Variants in PCSK4 observed in about 807,000 individuals in gnomAD.
PCSK4 encodes the protein testicular tissue protein Li 135.
A neutral mutation model predicts 80.3 loss-of-function variants in PCSK4; 64 were observed. The observed-to-expected ratio is 0.80, with a 90% CI of 0.65 to 0.98. PCSK4 has a LOEUF of 0.98. PCSK4 is among the 50% of genes least tolerant of loss of function. PCSK4 has a pLI of 0.00. For synonymous variants in PCSK4, 561 were observed against 487.6 expected (o/e 1.15, Z -1.98); for missense variants, 1,213 against 1,093.6 (o/e 1.11, Z -1.54).
At chr19:1,489,856 G>A (rs1259063606) in exon 2 of PCSK4, 2 of 1,610,554 alleles carry the variant, frequency 1.2e-6, no homozygotes, top group Non-Finnish European at 1.7e-6. Context: ...GCTGGACCAC[G>A]CCCCGGTGCC....
exon 14 of PCSK4, chr19:1,482,367 T>C (rs1206112340): frequency 6.5e-7 from 1 of 1,542,344 alleles, no homozygotes; most frequent in African/African-American, 1.4e-5. Context: ...GCACAGCCCC[T>C]CTGTGTCCCG....
rs749793751 is a variant in PCSK4, at chr19:1,488,289, C to T, written c.295-9G>A. 6 of 1,609,852 alleles carry T rather than the reference C, an allele frequency of 3.7e-6. No homozygotes were observed. The highest frequency in any genetic ancestry group is 4.2e-6 in the Non-Finnish European group (5 of 1,177,902). On this transcript the variant is annotated splice_polypyrimidine_tract_variant and intron_variant, in intron 2 of 14. Transcript: ENST00000300954. ...TGCTGGAACCACTGCACCTGCAGAGCAGAGGGTGCATCAGGCCTGTCCCCT... is the reference window on the plus strand; with the variant it reads ...TGCTGGAACCACTGCACCTGCAGAGTAGAGGGTGCATCAGGCCTGTCCCCT...
chr19:1,488,734 C>T (rs1439352158), intron 2 of PCSK4, among the ~76,000 whole-genome samples: 1 of 152,150 alleles, frequency 6.6e-6, no homozygotes, highest in Non-Finnish European at 1.5e-5. Flanking sequence ...GCGCACACCA[C>T]CATGCCCGGC....
At chr19:1,486,783 G>T in intron 8 of PCSK4, 70 bp downstream of exon 8, 2 of 1,299,204 alleles carry the variant, frequency 1.5e-6, no homozygotes, top group Non-Finnish European at 2.2e-6. Flanking sequence ...CACAGTGGTG[G>T]GGACAGGAGG....
chr19:1,488,641 C>T (rs1045132801), intron 2 of PCSK4, among the ~76,000 whole-genome samples: 3 of 151,706 alleles, frequency 2.0e-5, no homozygotes, highest in South Asian at 2.1e-4. Context: ...GGTGCAGTGG[C>T]GCAATCTTGG....
rs770484887 is a variant in PCSK4 at position 1,487,140 on chromosome 19, C to T, written c.855+1G>A. On this transcript the variant is annotated splice_donor_variant, in intron 7 of 14. Transcript: ENST00000300954. LOFTEE classifies it high-confidence loss of function. Reference sequence around the variant, plus strand: ...CCTGCCCTCCTCGGGCTGCCACTCACCTTGGTCACACCACGCCGGAAGGCC... The same window carrying T: ...CCTGCCCTCCTCGGGCTGCCACTCATCTTGGTCACACCACGCCGGAAGGCC... 1.1e-5 allele frequency: 18 copies of T among 1,604,522 alleles called. No individual in the cohort carries two copies. Among genetic ancestry groups the T allele is most frequent in the Non-Finnish European group, 1.5e-5 (18 of 1,177,786 alleles).
chr19:1,487,231 G>A (rs758095408), exon 7 of PCSK4: 4 of 1,606,990 alleles, frequency 2.5e-6, no homozygotes, highest in Non-Finnish European at 3.4e-6. Context: ...AGCTGGCGCT[G>A]TAAATGTGGA....
Position 1,483,329 on chromosome 19 carries a change from G to T in PCSK4, c.1526C>A (p.Ser509Ter), listed in dbSNP as rs765399954. The change falls in exon 12 of 15, where the codon TCG (serine) becomes TAG (stop). Residue 509 changes from serine (S) to a stop codon, truncating the protein, a stop_gained. Coordinates refer to ENST00000300954, the Ensembl canonical transcript of PCSK4. LOFTEE classifies it high-confidence loss of function. Reference sequence around the variant, plus strand: ...GCGCGTGCCCATGGGGCTGGTGAGCGAGATCTCCAGGTCTCCGCGCCGGCT... The same window carrying T: ...GCGCGTGCCCATGGGGCTGGTGAGCTAGATCTCCAGGTCTCCGCGCCGGCT... 6 of 1,609,424 alleles carry T rather than the reference G, an allele frequency of 3.7e-6. No homozygotes were observed. Among genetic ancestry groups the T allele is most frequent in the Admixed American group, 1.7e-5 (1 of 59,846 alleles).
rs1318588885 is a variant in PCSK4 at position 1,482,362 on chromosome 19, G to GCC, written c.1808_1809dup (p.Leu604GlyfsTer32). 11 of 1,542,428 alleles carry GCC rather than the reference G, an allele frequency of 7.1e-6. No individual in the cohort carries two copies. Among genetic ancestry groups the GCC allele is most frequent in the Admixed American group, 2.0e-5 (1 of 51,150 alleles). ...CCCCGCCGGCACTCACCCTGGCACA[G>GCC]CCCCTCTGTGTCCCGCTGCACACAC... On this transcript the variant is annotated frameshift_variant, in exon 14 of 15. Transcript: ENST00000300954. LOFTEE classifies it low-confidence loss of function (END_TRUNC).
At position 1,481,587 on chromosome 19, in the gene PCSK4, TTCTCTC is replaced by T; in HGVS notation, c.*166_*171del. On this transcript the variant is annotated 3_prime_UTR_variant, in exon 15 of 15. Coordinates refer to ENST00000300954, the Ensembl canonical transcript of PCSK4. ...CCCAAACCCAAAATGCAGAGGAGAC[TTCTCTC>T]TCTCTCTCTCCCGCCAGGCTTCGGG... 6.5e-6 allele frequency: 3 copies of T among 462,176 alleles called. No homozygotes were observed. The South Asian group carries it at 1.3e-4, about 20-fold the overall frequency. The allele number at this position is 462,176 out of a possible 1,614,324, so 28.6% of individuals were successfully genotyped here.
exon 1 of PCSK4, chr19:1,490,316 G>T: frequency 6.8e-7 from 1 of 1,460,230 alleles, no homozygotes; most frequent in Non-Finnish European, 9.3e-7. Context: ...AAGACCAGGC[G>T]CAGCCACAGC....
At chr19:1,488,190 T>C (rs761294971) in exon 3 of PCSK4, 72 of 1,613,486 alleles carry the variant, frequency 4.5e-5, no homozygotes, top group Admixed American at 2.7e-4. Context: ...CTGCTCACCA[T>C]GTACCACTGC....
rs1022614538 is a variant in PCSK4 at position 1,489,217 on chromosome 19, C to T, written c.294+576G>A. 7.9e-5 allele frequency among the ~76,000 whole-genome samples: 12 copies of T among 151,336 alleles called. No individual in the cohort carries two copies. In the East Asian group the frequency reaches 1.2e-3, roughly 15 times the overall value. ...CGCGATCTCGGCTCACTGCAAGCTC[C>T]GCCTCCCGGGTTCACACCATTCTCC... On this transcript the variant is annotated intron_variant, in intron 2 of 14. Transcript: ENST00000300954.
At position 1,481,947 on chromosome 19, in the gene PCSK4, G is replaced by A. The variant is rs530295763; in HGVS notation, c.2080C>T (p.Arg694Trp). The stretch of plus-strand genomic sequence containing the variant: ...TGGGGACAGGCGGCAGCTCTAAGCC[G>A]GGGGCGGCTGTCGGGGGTGGTGGGT... The change falls in exon 15 of 15, where the codon CGG (arginine) becomes TGG (tryptophan). Residue 694 changes from arginine (R) to tryptophan (W), a missense_variant. By Grantham distance (101) the Arg-to-Trp change is moderately radical (BLOSUM62 -3). Coordinates refer to ENST00000300954, the Ensembl canonical transcript of PCSK4. 3.8e-5 allele frequency: 61 copies of A among 1,595,984 alleles called. No individual in the cohort carries two copies. Among genetic ancestry groups the A allele is most frequent in the South Asian group, 3.1e-4 (28 of 89,554 alleles).
intron 4 of PCSK4, 28 bp downstream of exon 4, chr19:1,487,936 C>A (rs774305653): frequency 6.3e-7 from 1 of 1,596,328 alleles, no homozygotes; most frequent in Admixed American, 1.7e-5. Context: ...CTGGGGCAGC[C>A]CTCGCCCACA....
In PCSK4 at chr19:1,481,484, G is replaced by A. The variant is rs191278790; in HGVS notation, c.*275C>T. On this transcript the variant is annotated 3_prime_UTR_variant, in exon 15 of 15. Coordinates refer to ENST00000300954, the Ensembl canonical transcript of PCSK4. ...TGAGGTTGGACGCGGTGCCCGAGGC[G>A]GACAGTGTCACGTTTCTCTCCCTCC... is the stretch of plus-strand genomic sequence containing the variant. 1.4e-3 allele frequency: 534 copies of A among 368,608 alleles called. 2 individuals are homozygous for A. Among genetic ancestry groups the A allele is most frequent in the African/African-American group, 6.4e-3 (311 of 48,244 alleles). 22.8% of individuals were successfully genotyped at this position (368,608 alleles called of 1,614,324 possible). A position where few individuals can be genotyped will look rare whatever the true frequency, so the allele number is the denominator to read the frequency against.
In PCSK4 at chr19:1,483,035, TG is replaced by T; in HGVS notation, c.1572-16del. On this transcript the variant is annotated splice_polypyrimidine_tract_variant and intron_variant, in intron 12 of 14. Coordinates refer to ENST00000300954, the Ensembl canonical transcript of PCSK4. Reference sequence around the variant, plus strand: ...CGTCCAAGGGTCTGGGACAGAAGGGTGGGTGGGGGTGGGGGTGTCAAGAGGG... The same window carrying T: ...CGTCCAAGGGTCTGGGACAGAAGGGTGGTGGGGGTGGGGGTGTCAAGAGGG... 1 of 313,464 alleles carries T rather than the reference TG, an allele frequency of 3.2e-6. No individual in the cohort carries two copies. Among genetic ancestry groups the T allele is most frequent in the Non-Finnish European group, 6.4e-6 (1 of 155,968 alleles). The allele number at this position is 313,464 out of a possible 1,614,324, so 19.4% of individuals were successfully genotyped here.
At position 1,489,783 on chromosome 19, in the gene PCSK4, C is replaced by A; in HGVS notation, c.294+10G>T. 1 of 1,605,502 alleles carries A rather than the reference C, an allele frequency of 6.2e-7. No homozygotes were observed. Among genetic ancestry groups the A allele is most frequent in the Non-Finnish European group, 8.5e-7 (1 of 1,175,878 alleles). On this transcript the variant is annotated intron_variant, in intron 2 of 14. Coordinates refer to ENST00000300954, the Ensembl canonical transcript of PCSK4. ...CCCGGGCAGGGGGTTGGCCTCCAGG[C>A]CAGGCTCACCTTGGGGTTTTTCTTC... is the stretch of plus-strand genomic sequence containing the variant.
chr19:1,487,154 C>T (rs775454627), exon 7 of PCSK4: 23 of 1,605,612 alleles, frequency 1.4e-5, no homozygotes, highest in Middle Eastern at 1.6e-4. Flanking sequence ...GGTCACACCA[C>T]GCCGGAAGGC....
Sources: gnomAD v4.1 joint callset for allele counts (sites outside exome capture counted in the v4.1 genomes callset) on GRCh38, gnomAD v4.1.1 for gene constraint, MANE v1.5 for transcripts, NCBI Gene and HGNC (gene_info 2026-07-23, HGNC 2026-07-21) for gene names.